SPDYE5: variants seen among roughly 807,000 people sequenced by gnomAD.
SPDYE5 encodes the protein speedy protein E5.
In SPDYE5, 15 loss-of-function variants were observed where a neutral mutation model predicts 48.5. That is an observed-to-expected ratio of 0.31 (90% CI 0.21 to 0.48). SPDYE5 has a LOEUF of 0.48. Among genes scored for constraint, SPDYE5 ranks in the 20% least tolerant of loss-of-function variants. The pLI, the probability that SPDYE5 is intolerant of heterozygous loss-of-function variation, is 0.99. For missense variants in SPDYE5, 331 were observed against 549.1 expected, an observed-to-expected ratio of 0.60 and a Z score of 3.97; for synonymous variants, 116 against 200.7, an observed-to-expected ratio of 0.58 and a Z score of 3.57.
Position 75,501,952 on chromosome 7 carries a change from T to G in SPDYE5, c.*15T>G, listed in dbSNP as rs587602029. 1.1e-4 allele frequency: 181 copies of G among 1,604,358 alleles called. 3 individuals are homozygous for G. In the South Asian group the frequency reaches 1.9e-3, roughly 17 times the overall value. ...ACCTTTCCTAGAGCTCCAGGGACCG[T>G]GGAGGCCTGAGGTCATCGGCCTGAG... On this transcript the variant is annotated 3_prime_UTR_variant, in exon 8 of 9. Coordinates refer to ENST00000625065, the MANE Select transcript of SPDYE5 (RefSeq NM_001306141.4).
At chr7:75,499,542 G>A (rs1480565511) in intron 6 of SPDYE5, among the ~76,000 whole-genome samples, 57 of 150,576 alleles carry the variant, frequency 3.8e-4, no homozygotes, top group South Asian at 8.4e-4. Flanking sequence ...CGAGGCAGGC[G>A]GATCACCTGA....
rs782571540 is a variant in SPDYE5 at position 75,495,334 on chromosome 7, C to T, written c.339C>T (p.Pro113=). The T allele has an allele frequency of 2.5e-6, 4 of 1,597,528 alleles. No homozygotes were observed. In the South Asian group the frequency reaches 4.4e-5, roughly 18 times the overall value. Residue 113 remains proline (P), a synonymous_variant, in exon 3 of 9, where the codon CCC becomes CCT. Coordinates refer to ENST00000625065, the MANE Select transcript of SPDYE5 (RefSeq NM_001306141.4). ...KMKLKQQRVS[P]ILPEHHKGFN... is the part of the protein sequence containing the mutation. ...AGCTGAAGCAACAGCGAGTGTCACCCATCCTCCCTGAGCACCACAAGGGCT... is the reference window on the plus strand; with the variant it reads ...AGCTGAAGCAACAGCGAGTGTCACCTATCCTCCCTGAGCACCACAAGGGCT...
chr7:75,497,059 G>T (rs1342986437), intron 4 of SPDYE5, among the ~76,000 whole-genome samples, 155 bp downstream of exon 4: 2 of 151,730 alleles, frequency 1.3e-5, no homozygotes, highest in Non-Finnish European at 2.9e-5. Context: ...GGGACACTTA[G>T]GAGATGATAA....
Position 75,493,755 on chromosome 7 carries a change from G to GA in SPDYE5, c.-292dup. 1 of 1,417,166 alleles carries GA rather than the reference G, an allele frequency of 7.1e-7. No individual in the cohort carries two copies. The highest frequency in any genetic ancestry group is 2.5e-5 in the East Asian group (1 of 39,440). The allele number at this position is 1,417,166 out of a possible 1,614,324, so 87.8% of individuals were successfully genotyped here. On this transcript the variant is annotated 5_prime_UTR_variant, in exon 2 of 9. An upstream open reading frame in the 5' UTR loses its in-frame stop. Transcript: ENST00000625065. ...TGTGGAGTCCCTGAAGATGCTTTTG[G>GA]ACAATGGTCTGAGGTTGGGACAGTG...
intron 1 of SPDYE5, among the ~76,000 whole-genome samples, 184 bp downstream of exon 1, chr7:75,492,625 G>GA (rs1338968780): frequency 6.6e-6 from 1 of 151,924 alleles, no homozygotes; most frequent in Non-Finnish European, 1.5e-5. Flanking sequence ...TTTTAGTAGA[G>GA]ATGGGGTTTC....
chr7:75,500,243 T>A (rs1451034540), intron 6 of SPDYE5, among the ~76,000 whole-genome samples: 1 of 144,708 alleles, frequency 6.9e-6, no homozygotes, highest in East Asian at 2.0e-4. Context: ...ATCTTGGTAT[T>A]TCCTGGCTCG....
At position 75,502,933 on chromosome 7, in the gene SPDYE5, T is replaced by C. The variant is rs1793205770; in HGVS notation, c.*146T>C. On this transcript the variant is annotated 3_prime_UTR_variant, in exon 9 of 9. Transcript: ENST00000625065. ...GGAGAGGAACCATTTGTGCAGATCA[T>C]CTAGAAGAACCTGGACCATTCTTGA... 3 of 955,246 alleles carry C rather than the reference T, an allele frequency of 3.1e-6. No individual in the cohort carries two copies. The highest frequency in any genetic ancestry group is 2.6e-5 in the South Asian group (2 of 78,390). The allele number at this position is 955,246 out of a possible 1,614,324, so 59.2% of individuals were successfully genotyped here.
At chr7:75,498,218 G>A (rs1182413686) in intron 5 of SPDYE5, among the ~76,000 whole-genome samples, 1 of 147,754 alleles carries the variant, frequency 6.8e-6, no homozygotes, top group African/African-American at 2.5e-5. Context: ...GATGCCTCCC[G>A]GGTTCAAGCG....
chr7:75,496,110 G>C (rs1792918414), intron 3 of SPDYE5, among the ~76,000 whole-genome samples: 1 of 150,776 alleles, frequency 6.6e-6, no homozygotes, highest in South Asian at 2.1e-4. Flanking sequence ...TACTGAGGCA[G>C]GGTGCACTGG....
chr7:75,492,278 A>G (rs2599338), upstream of SPDYE5, among the ~76,000 whole-genome samples: 7 of 152,206 alleles, frequency 4.6e-5, no homozygotes, highest in Non-Finnish European at 8.8e-5. Context: ...GGTTTAAAGC[A>G]TCATGAATGC....
At chr7:75,495,451 C>A (rs1792890124) in intron 3 of SPDYE5, 77 bp downstream of exon 3, 1 of 1,574,070 alleles carries the variant, frequency 6.4e-7, no homozygotes, top group Non-Finnish European at 8.6e-7. Context: ...CACACTTTTC[C>A]AATGGGAAAG....
At chr7:75,496,484 A>C (rs2116605188) in intron 3 of SPDYE5, among the ~76,000 whole-genome samples, 190 bp from the exon 4 acceptor site, 1 of 142,790 alleles carries the variant, frequency 7.0e-6, no homozygotes, top group South Asian at 2.3e-4. Context: ...GGACAGAGAA[A>C]CGGGAGAATG....
intron 2 of SPDYE5, among the ~76,000 whole-genome samples, chr7:75,494,624 C>T (rs1267611098): frequency 6.7e-6 from 1 of 149,960 alleles, no homozygotes; most frequent in Non-Finnish European, 1.5e-5. Context: ...TGGTGGCTTA[C>T]ACCTGTAACC....
chr7:75,492,064 C>T (rs587666823), upstream of SPDYE5, among the ~76,000 whole-genome samples: 5 of 152,094 alleles, frequency 3.3e-5, no homozygotes, highest in East Asian at 9.7e-4. Flanking sequence ...GGCATGGCCT[C>T]AGTGTAGTGT....
At position 75,503,128 on chromosome 7, in the gene SPDYE5, T is replaced by C. The variant is rs1394553828; in HGVS notation, c.*341T>C. The C allele has an allele frequency of 2.1e-6, 1 of 467,660 alleles. No homozygotes were observed. The highest frequency in any genetic ancestry group is 4.2e-6 in the Non-Finnish European group (1 of 239,822). The allele number at this position is 467,660 out of a possible 1,614,324, so 29.0% of individuals were successfully genotyped here. A position where few individuals can be genotyped will look rare whatever the true frequency, so the allele number is the denominator to read the frequency against. On this transcript the variant is annotated 3_prime_UTR_variant, in exon 9 of 9. Transcript: ENST00000625065. ...CTATATTGCTGAATTCCAACCTCCC[T>C]GGGGCGGAACCTGGAGGTCCTGTTT...
At chr7:75,501,807 G>T in intron 7 of SPDYE5, 52 bp downstream of exon 7, 1 of 1,612,256 alleles carries the variant, frequency 6.2e-7, no homozygotes, top group Admixed American at 1.7e-5. Context: ...GGGTGGGCTG[G>T]AGGCTGGATG....
chr7:75,498,119 T>C, intron 5 of SPDYE5, 123 bp downstream of exon 5: 1 of 375,592 alleles, frequency 2.7e-6, no homozygotes, highest in East Asian at 2.2e-3. Flanking sequence ...TCTTTTTTTT[T>C]TTTTTTTTTT....
intron 3 of SPDYE5, among the ~76,000 whole-genome samples, chr7:75,496,401 CAACAA>C (rs1238137691): frequency 1.6e-4 from 7 of 44,576 alleles, no homozygotes; most frequent in African/African-American, 4.2e-4. Context: ...ACAACAACAA[CAACAA>C]AAAAAAAAAA....
intron 8 of SPDYE5, among the ~76,000 whole-genome samples, chr7:75,502,254 C>A (rs1254597384): frequency 5.7e-5 from 8 of 140,384 alleles, no homozygotes; most frequent in Non-Finnish European, 1.2e-4. Context: ...CAGAGTGAGA[C>A]CCTGCCTCAA....
Sources: gnomAD v4.1 joint callset for allele counts (sites outside exome capture counted in the v4.1 genomes callset) on GRCh38, gnomAD v4.1.1 for gene constraint, MANE v1.5 for transcripts, NCBI Gene and HGNC (gene_info 2026-07-23, HGNC 2026-07-21) for gene names.